USP9X: variants seen among roughly 807,000 people sequenced by gnomAD.
USP9X encodes the protein ubiquitin specific peptidase 9 X-linked.
USP9X carries 7 observed loss-of-function variants against 190.3 expected under a neutral mutation model. The ratio of observed to expected loss-of-function variants is 0.04; its 90% CI spans 0.02 to 0.07. The LOEUF (loss-of-function observed/expected upper bound fraction) is 0.07. USP9X is among the 10% of genes least tolerant of loss of function. The pLI is 1.00. For missense variants in USP9X, 1,010 were observed against 1,916.9 expected (o/e 0.53, Z 8.83); for synonymous variants, 645 against 659.5 (o/e 0.98, Z 0.34).
chrX:41,170,350 T>C, intron 19 of USP9X, 115 bp downstream of exon 19: 1 of 1,074,099 alleles, frequency 9.3e-7, no homozygotes, highest in Non-Finnish European at 1.3e-6. Flanking sequence ...GTGTTAGAGT[T>C]ATAGCATTAA....
intron 1 of USP9X, among the ~76,000 whole-genome samples, chrX:41,091,810 GCTATAT>G (rs2061957178): frequency 9.0e-6 from 1 of 111,530 alleles, no homozygotes; most frequent in Non-Finnish European, 1.9e-5. Flanking sequence ...TCTTTATGAA[GCTATAT>G]CTATATGTGT....
chrX:41,173,701 T>C (rs1290723631), intron 21 of USP9X, among the ~76,000 whole-genome samples: 2 of 112,088 alleles, frequency 1.8e-5, no homozygotes, highest in East Asian at 5.6e-4. Context: ...AACTCAGATA[T>C]AGTCAGCCCT....
chrX:41,136,795 G>T lies in USP9X; in HGVS notation c.436-9G>T, dbSNP rs2062377374. On this transcript the variant is annotated splice_polypyrimidine_tract_variant and intron_variant, in intron 5 of 44. Transcript: ENST00000378308. ...ATCTTGTAAATCGCCTTTCCCCCTT[G>T]TATAACAGAGGTGTATTATTAACAA... The T allele has an allele frequency of 8.4e-7, 1 of 1,190,794 alleles. No homozygotes were observed. The highest frequency in any genetic ancestry group is 1.8e-5 in the African/African-American group (1 of 56,804).
At chrX:41,222,467 T>C (rs1361121441) in intron 38 of USP9X, among the ~76,000 whole-genome samples, 1 of 111,914 alleles carries the variant, frequency 8.9e-6, no homozygotes, top group Non-Finnish European at 1.9e-5. Context: ...AATGTAGGTA[T>C]CTTTTTCAAG....
intron 1 of USP9X, among the ~76,000 whole-genome samples, chrX:41,109,772 G>C (rs981771455): frequency 9.0e-6 from 1 of 110,643 alleles, no homozygotes; most frequent in Non-Finnish European, 1.9e-5. Context: ...ACTGGGGATG[G>C]GGGGGGCAGG....
At chrX:41,117,177 G>A (rs1464743320) in intron 1 of USP9X, among the ~76,000 whole-genome samples, 1 of 111,849 alleles carries the variant, frequency 8.9e-6, no homozygotes, top group Non-Finnish European at 1.9e-5. Context: ...TTTGCTGATT[G>A]AGTGTCCTGT....
chrX:41,197,180 C>T (rs1251501974), intron 28 of USP9X, among the ~76,000 whole-genome samples, 184 bp from the exon 29 acceptor site: 1 of 111,508 alleles, frequency 9.0e-6, no homozygotes. Flanking sequence ...TCTAGTAGTT[C>T]ATAAAGCCAA....
chrX:41,123,781 A>G, intron 2 of USP9X, 57 bp downstream of exon 2: 1 of 1,086,974 alleles, frequency 9.2e-7, no homozygotes, highest in Non-Finnish European at 1.3e-6. Context: ...AGTGGTTCAC[A>G]TCTGTAATCG....
chrX:41,116,712 T>C (rs1193112909), intron 1 of USP9X, among the ~76,000 whole-genome samples: 10 of 112,296 alleles, frequency 8.9e-5, no homozygotes, highest in African/African-American at 3.2e-4. Context: ...AATTTACATT[T>C]TTTTGAGAAT....
intron 1 of USP9X, among the ~76,000 whole-genome samples, chrX:41,096,208 C>T (rs1030100188): frequency 2.7e-5 from 3 of 112,677 alleles, no homozygotes; most frequent in East Asian, 2.8e-4. Flanking sequence ...CCCCGCTCCC[C>T]GCAAGGGGTT....
chrX:41,096,227 A>C (rs888455622), intron 1 of USP9X, among the ~76,000 whole-genome samples: 1 of 112,836 alleles, frequency 8.9e-6, no homozygotes, highest in Non-Finnish European at 1.9e-5. Flanking sequence ...TTAGACTGGC[A>C]TCCAGAGAGC....
Position 41,205,086 on chromosome X carries a change from T to C in USP9X, c.4825-217T>C, listed in dbSNP as rs772076411. The C allele has an allele frequency of 4.9e-5, 16 of 325,289 alleles. No homozygotes were observed. The South Asian group carries it at 1.1e-3, about 23-fold the overall frequency. The allele number at this position is 325,289 out of a possible 1,213,427, so 26.8% of individuals were successfully genotyped here. A position where few individuals can be genotyped will look rare whatever the true frequency, so the allele number is the denominator to read the frequency against. On this transcript the variant is annotated intron_variant, in intron 31 of 44. Coordinates refer to ENST00000378308, the MANE Select transcript of USP9X (RefSeq NM_001039591.3). ...ACTATGCTAATGCTACACTATATTA[T>C]CTATCTTTCTTACACATGGTCAGGG...
intron 14 of USP9X, among the ~76,000 whole-genome samples, chrX:41,155,568 T>C (rs1029697075): frequency 9.0e-6 from 1 of 111,642 alleles, no homozygotes; most frequent in Non-Finnish European, 1.9e-5. Context: ...TGTTACTTCT[T>C]CCCGGTCTTT....
rs766495107 is a variant in USP9X at position 41,216,490 on chromosome X, A to C, written c.5923A>C (p.Thr1975Pro). 2 of 1,211,586 alleles carry C rather than the reference A, an allele frequency of 1.7e-6. No homozygotes were observed. Among genetic ancestry groups the C allele is most frequent in the Non-Finnish European group, 2.2e-6 (2 of 895,512 alleles). The change falls in exon 35 of 45, where the codon ACC becomes CCC. Residue 1975 changes from threonine to proline, a missense_variant. By Grantham distance (38) the Thr-to-Pro change is conservative. Coordinates refer to ENST00000378308, the MANE Select transcript of USP9X (RefSeq NM_001039591.3). The stretch of plus-strand genomic sequence containing the variant: ...AAGATATATATCAGAGCTTGCTATC[A>C]CCACCAGACCTCATCAGATTATTAT... ...LIRYISELAI[T>P]TRPHQIIMPS...
chrX:41,147,835 T>C (rs2062484211), intron 11 of USP9X, among the ~76,000 whole-genome samples: 1 of 112,254 alleles, frequency 8.9e-6, no homozygotes, highest in South Asian at 3.6e-4. Flanking sequence ...CTTAGTGCAT[T>C]TGCTGCTGCT....
chrX:41,186,681 C>G, intron 24 of USP9X, 39 bp downstream of exon 24: 3 of 1,193,810 alleles, frequency 2.5e-6, no homozygotes, highest in Non-Finnish European at 3.4e-6. Flanking sequence ...TTTTAACTTT[C>G]CTAGGCCCAC....
chrX:41,107,088 G>GT (rs747006958), intron 1 of USP9X, among the ~76,000 whole-genome samples: 9 of 108,468 alleles, frequency 8.3e-5, no homozygotes, highest in Non-Finnish European at 1.5e-4. Flanking sequence ...GTTTCACAAT[G>GT]TTGGCCAGGC....
intron 18 of USP9X, 157 bp downstream of exon 18, chrX:41,168,375 C>T (rs369112741): frequency 2.6e-5 from 11 of 430,823 alleles, no homozygotes; most frequent in East Asian, 2.1e-4. Flanking sequence ...TAATAACCTC[C>T]CCCACTCTCC....
At chrX:41,180,564 A>G (rs1279877568) in intron 21 of USP9X, among the ~76,000 whole-genome samples, 3 of 112,417 alleles carry the variant, frequency 2.7e-5, no homozygotes, top group Non-Finnish European at 5.6e-5. Context: ...ACTCAAATGG[A>G]CTTGAGTTCC....
Sources: gnomAD v4.1 joint callset for allele counts (sites outside exome capture counted in the v4.1 genomes callset) on GRCh38, gnomAD v4.1.1 for gene constraint, MANE v1.5 for transcripts, NCBI Gene and HGNC (gene_info 2026-07-23, HGNC 2026-07-21) for gene names.